Variants in SUMF1 observed in about 807,000 individuals in gnomAD.
The protein encoded by SUMF1 is sulfatase modifying factor 1.
In SUMF1, 48 loss-of-function variants were observed where a neutral mutation model predicts 47.6. The observed-to-expected ratio is 1.01, with a 90% CI of 0.80 to 1.28. The LOEUF (loss-of-function observed/expected upper bound fraction) is 1.28. Among genes scored for constraint, SUMF1 ranks in the 50% most tolerant of loss-of-function variants. The pLI is 0.00. For synonymous variants in SUMF1, 230 were observed against 192.1 expected, an observed-to-expected ratio of 1.20 and a Z score of -1.63; for missense variants, 571 against 485.4, an observed-to-expected ratio of 1.18 and a Z score of -1.66.
chr3:4,193,189 G>A (rs78056869), intron 8 of SUMF1, among the ~76,000 whole-genome samples: 1,713 of 151,784 alleles, frequency 0.011, 38 homozygotes, highest in African/African-American at 0.04. Flanking sequence ...TTGAAATATG[G>A]GTATTATACA....
intron 9 of SUMF1, among the ~76,000 whole-genome samples, chr3:4,040,170 A>G (rs558803428): frequency 6.6e-6 from 1 of 152,314 alleles, no homozygotes; most frequent in East Asian, 1.9e-4. Context: ...AAATATATCA[A>G]AACATCATTT....
At chr3:4,359,924 G>A (rs190487234), downstream of SUMF1, among the ~76,000 whole-genome samples, 200 of 152,244 alleles carry the variant, frequency 1.3e-3, no homozygotes, top group African/African-American at 4.4e-3. Flanking sequence ...TTATAGGTAT[G>A]AGCCACCGTC....
intron 8 of SUMF1, among the ~76,000 whole-genome samples, chr3:4,235,465 A>C (rs1347173074): frequency 6.6e-6 from 1 of 152,170 alleles, no homozygotes; most frequent in Non-Finnish European, 1.5e-5. Flanking sequence ...GAAAGTACTA[A>C]GAAGAAAATA....
intron 8 of SUMF1, among the ~76,000 whole-genome samples, chr3:4,228,398 A>G (rs758759886): frequency 8.6e-5 from 13 of 151,988 alleles, no homozygotes; most frequent in Admixed American, 2.0e-4. Flanking sequence ...TAGAAAAAAA[A>G]GCACACATCC....
intron 8 of SUMF1, among the ~76,000 whole-genome samples, chr3:4,252,905 G>C (rs1340820293): frequency 6.6e-6 from 1 of 152,144 alleles, no homozygotes; most frequent in Non-Finnish European, 1.5e-5. Flanking sequence ...TGATCCTGGT[G>C]TATTCGTATC....
At chr3:4,213,247 G>A (rs1695839761) in intron 8 of SUMF1, among the ~76,000 whole-genome samples, 1 of 152,068 alleles carries the variant, frequency 6.6e-6, no homozygotes, top group East Asian at 1.9e-4. Context: ...AAGAGAGTGG[G>A]GGCCAATATT....
chr3:4,399,385 T>TC (rs369536687), intron 7 of SUMF1, among the ~76,000 whole-genome samples: 3 of 151,784 alleles, frequency 2.0e-5, no homozygotes, highest in Admixed American at 6.6e-5. Flanking sequence ...AGACCACTCT[T>TC]CCCCCCCAAA....
chr3:4,187,299 CT>C (rs1484347739), intron 8 of SUMF1, among the ~76,000 whole-genome samples: 1 of 152,154 alleles, frequency 6.6e-6, no homozygotes, highest in African/African-American at 2.4e-5. Context: ...AGCACAGGAG[CT>C]TGAGGTTGCA....
chr3:4,172,468 G>A lies in SUMF1; in HGVS notation c.1015-103723C>T, dbSNP rs1694853180. Reference sequence around the variant, plus strand: ...CTTTTTGAGTCCCAGGCATTCTTCTGAGAACTTTCCTTATACAACTCATTT... The same window carrying A: ...CTTTTTGAGTCCCAGGCATTCTTCTAAGAACTTTCCTTATACAACTCATTT... On this transcript the variant is annotated intron_variant and NMD_transcript_variant, in intron 8 of 12. Transcript: ENST00000448413. 2.6e-5 allele frequency among the ~76,000 whole-genome samples: 4 copies of A among 152,240 alleles called. No homozygotes were observed. The East Asian group carries it at 5.8e-4, about 22-fold the overall frequency.
At chr3:4,111,732 C>T (rs79700108) in intron 8 of SUMF1, among the ~76,000 whole-genome samples, 7,601 of 151,590 alleles carry the variant, frequency 0.05, 525 homozygotes, top group East Asian at 0.16. Flanking sequence ...AGCTAGACAC[C>T]GTCTAAAAAA....
At chr3:4,401,302 T>C (rs1295852195) in intron 7 of SUMF1, among the ~76,000 whole-genome samples, 14 of 152,162 alleles carry the variant, frequency 9.2e-5, no homozygotes, top group Admixed American at 9.2e-4. Context: ...TATAGTAGCA[T>C]GATTTATAAG....
rs117920659 is a variant in SUMF1 at position 4,341,318 on chromosome 3, T to A, written c.1014+35012A>T. Among the ~76,000 whole-genome samples the A allele has an allele frequency of 1.4e-4, 21 of 152,206 alleles. No homozygotes were observed. In the East Asian group the frequency reaches 3.9e-3, roughly 28 times the overall value. On this transcript the variant is annotated intron_variant and NMD_transcript_variant, in intron 8 of 12. Transcript: ENST00000448413. ...TGTAGACATCATGATACAATTCACATACCTCCTACCATGCCGGAGTGGCTC... is the reference window on the plus strand; with the variant it reads ...TGTAGACATCATGATACAATTCACAAACCTCCTACCATGCCGGAGTGGCTC...
chr3:4,286,840 A>G (rs1191381726), intron 8 of SUMF1, among the ~76,000 whole-genome samples: 2 of 152,130 alleles, frequency 1.3e-5, no homozygotes, highest in East Asian at 3.8e-4. Context: ...TTAGACATGA[A>G]ATATTTACAC....
chr3:4,259,553 T>G lies in SUMF1; in HGVS notation c.1014+116777A>C, dbSNP rs370675540. ...AGGCTTTTGGGGATTGTAGTTTGGT[T>G]TTTATTTTTATTTTATTTGTTTTTT... On this transcript the variant is annotated intron_variant and NMD_transcript_variant, in intron 8 of 12. Coordinates refer to the SUMF1 transcript ENST00000448413. Among the ~76,000 whole-genome samples the G allele has an allele frequency of 2.0e-5, 3 of 152,272 alleles. No individual in the cohort carries two copies. In the South Asian group the frequency reaches 6.2e-4, roughly 32 times the overall value.
At chr3:4,226,538 G>C (rs113742034) in intron 8 of SUMF1, among the ~76,000 whole-genome samples, 2,064 of 151,888 alleles carry the variant, frequency 0.014, 54 homozygotes, top group African/African-American at 0.048. Context: ...AAAGTGCTGG[G>C]ATTACAAGCA....
intron 8 of SUMF1, among the ~76,000 whole-genome samples, chr3:4,182,585 T>C (rs932665000): frequency 9.9e-5 from 15 of 152,044 alleles, no homozygotes; most frequent in Non-Finnish European, 1.9e-4. Flanking sequence ...CAATAGGCTT[T>C]GTTCTGCTAT....
At chr3:4,332,956 T>C (rs1327328929) in intron 8 of SUMF1, among the ~76,000 whole-genome samples, 1 of 152,214 alleles carries the variant, frequency 6.6e-6, no homozygotes, top group Non-Finnish European at 1.5e-5. Context: ...AAAAGAAACA[T>C]TGGGAGGAGT....
At chr3:4,358,155 C>T (rs1687881), downstream of SUMF1, among the ~76,000 whole-genome samples, 60,131 of 151,704 alleles carry the variant, frequency 0.4, 13,284 homozygotes, top group African/African-American at 0.58. Flanking sequence ...TCCCCCAGCC[C>T]CTGCCTTCTT....
chr3:4,230,154 C>G (rs949837496), intron 8 of SUMF1, among the ~76,000 whole-genome samples: 5 of 151,932 alleles, frequency 3.3e-5, no homozygotes, highest in Non-Finnish European at 7.4e-5. Context: ...CTTCCAAAAC[C>G]AAATGTGTCC....
Sources: allele counts gnomAD v4.1 joint callset (sites outside exome capture counted in the v4.1 genomes callset), GRCh38; gene constraint gnomAD v4.1.1; transcripts MANE v1.5; gene names NCBI Gene and HGNC (gene_info 2026-07-23, HGNC 2026-07-21).